Variants in MGAT4C observed in about 807,000 individuals in gnomAD.
MGAT4C encodes the protein MGAT4 family member C, also known as alpha-1,3-mannosyl-glycoprotein 4-beta-N-acetylglucosaminyltransferase C.
Under a neutral mutation model 40.1 loss-of-function variants are expected in MGAT4C, and 19 were observed. That is an observed-to-expected ratio of 0.47 (90% confidence interval 0.33 to 0.70). The LOEUF (loss-of-function observed/expected upper bound fraction) is 0.70, where lower values mean the gene tolerates loss of function less well. Ranked by LOEUF, MGAT4C falls within the 30% of genes least tolerant of loss-of-function variation. MGAT4C has a pLI of 0.02. For synonymous variants in MGAT4C, 181 were observed against 187.1 expected, an observed-to-expected ratio of 0.97 and a Z score of 0.27; for missense variants, 491 against 563.2, an observed-to-expected ratio of 0.87 and a Z score of 1.30.
At chr12:86,252,614 G>GA (rs745385032) in intron 1 of MGAT4C, among the ~76,000 whole-genome samples, 4 of 151,848 alleles carry the variant, frequency 2.6e-5, no homozygotes, top group Non-Finnish European at 4.4e-5. Context: ...CCAAGACAGT[G>GA]AAAAAATTGG....
chr12:86,513,085 A>G (rs1375646239), intron 2 of MGAT4C, among the ~76,000 whole-genome samples: 1 of 152,090 alleles, frequency 6.6e-6, no homozygotes, highest in African/African-American at 2.4e-5. Flanking sequence ...GAGCCAATTA[A>G]AGTTGCAATG....
intron 2 of MGAT4C, among the ~76,000 whole-genome samples, chr12:86,689,705 C>T (rs974700863): frequency 6.6e-6 from 1 of 152,166 alleles, no homozygotes. Context: ...CAGAGGGGCA[C>T]CCGCCAGATG....
intron 2 of MGAT4C, among the ~76,000 whole-genome samples, chr12:86,725,214 C>A (rs1056039258): frequency 6.6e-6 from 1 of 152,136 alleles, no homozygotes; most frequent in African/African-American, 2.4e-5. Flanking sequence ...CTAGAGTACA[C>A]CAGATTTTCC....
rs182628400 is a variant in MGAT4C, at chr12:86,089,529, A to C, written c.-56-39806T>G. On this transcript the variant is annotated intron_variant, in intron 1 of 4. Coordinates refer to ENST00000611864, the MANE Select transcript of MGAT4C (RefSeq NM_001351288.2). ...GTCAATGCTCAGGAAAACATCTTAAAATTTTCTATTATGTTTATTGATTTA... is the reference window on the plus strand; with the variant it reads ...GTCAATGCTCAGGAAAACATCTTAACATTTTCTATTATGTTTATTGATTTA... 2.0e-5 allele frequency among the ~76,000 whole-genome samples: 3 copies of C among 151,624 alleles called. No individual in the cohort carries two copies. The East Asian group carries it at 5.8e-4, about 29-fold the overall frequency.
At chr12:85,990,127 C>T (rs1885717869) in intron 2 of MGAT4C, among the ~76,000 whole-genome samples, 1 of 151,930 alleles carries the variant, frequency 6.6e-6, no homozygotes, top group Admixed American at 6.6e-5. Flanking sequence ...GCTTATTTTT[C>T]CAATTATTCT....
chr12:86,256,490 T>C (rs1952524230), upstream of MGAT4C: 1 of 152,284 alleles, frequency 6.6e-6, no homozygotes, highest in African/African-American at 2.4e-5. Flanking sequence ...TGGAATCATA[T>C]CTTAACCCTA....
chr12:86,186,001 T>C (rs1318709474), intron 1 of MGAT4C, among the ~76,000 whole-genome samples: 1 of 152,058 alleles, frequency 6.6e-6, no homozygotes, highest in Non-Finnish European at 1.5e-5. Context: ...CATATAAAAT[T>C]AGTAAGACAA....
intron 1 of MGAT4C, among the ~76,000 whole-genome samples, chr12:86,795,623 A>C (rs1952101460): frequency 6.6e-6 from 1 of 151,946 alleles, no homozygotes; most frequent in African/African-American, 2.4e-5. Context: ...AGAAAGAGAG[A>C]GAGAGAGAAA....
At chr12:86,390,836 A>T (rs1956148796) in intron 3 of MGAT4C, among the ~76,000 whole-genome samples, 1 of 152,332 alleles carries the variant, frequency 6.6e-6, no homozygotes. Context: ...TTCATATAAG[A>T]AACTGAGGCT....
intron 3 of MGAT4C, among the ~76,000 whole-genome samples, chr12:86,405,241 G>A (rs923179362): frequency 1.4e-4 from 22 of 151,900 alleles, no homozygotes; most frequent in Admixed American, 7.2e-4. Context: ...GTTTATCTAC[G>A]TAAAATAATC....
rs1882870860 is a variant in MGAT4C, at chr12:85,957,657, C to CAAAAAAAAAAAAAAAGAAAAAAAAA, written c.*21631_*21632insTTTTTTTTTCTTTTTTTTTTTTTTT. On this transcript the variant is annotated 3_prime_UTR_variant, in exon 5 of 5. Transcript: ENST00000611864. ...TTTACTGTAGAGTTGAATAAGAAAGCAAAAAAAAAAAAAAAAGAAAAAAGA... is the reference window on the plus strand; with the variant it reads ...TTTACTGTAGAGTTGAATAAGAAAGCAAAAAAAAAAAAAAAGAAAAAAAAAAAAAAAAAAAAAAAAAGAAAAAAGA... 1 of 101,306 alleles carries CAAAAAAAAAAAAAAAGAAAAAAAAA rather than the reference C, an allele frequency of 9.9e-6. No individual in the cohort carries two copies. The highest frequency in any genetic ancestry group is 1.9e-5 in the Non-Finnish European group (1 of 52,742). The allele number at this position is 101,306 out of a possible 1,614,324, so 6.3% of individuals were successfully genotyped here.
intron 1 of MGAT4C, among the ~76,000 whole-genome samples, chr12:86,765,775 A>G (rs1489036434): frequency 1.3e-5 from 2 of 152,250 alleles, no homozygotes; most frequent in Non-Finnish European, 2.9e-5. Flanking sequence ...TAAGCTTCAT[A>G]AGTGAAGGAG....
chr12:86,081,148 G>A (rs902298404), intron 1 of MGAT4C, among the ~76,000 whole-genome samples: 1 of 152,070 alleles, frequency 6.6e-6, no homozygotes, highest in Non-Finnish European at 1.5e-5. Context: ...CATGGTTATT[G>A]TGGATAATAA....
chr12:86,811,102 T>C (rs1463815853), intron 1 of MGAT4C, among the ~76,000 whole-genome samples: 2 of 149,372 alleles, frequency 1.3e-5, no homozygotes, highest in African/African-American at 4.9e-5. Flanking sequence ...TTTCCTGTGG[T>C]CATTCTATTA....
chr12:86,386,419 G>A (rs534194120), intron 3 of MGAT4C, among the ~76,000 whole-genome samples: 1 of 152,176 alleles, frequency 6.6e-6, no homozygotes, highest in South Asian at 2.1e-4. Flanking sequence ...CCCAATCACT[G>A]GTACCTCATA....
In MGAT4C at chr12:85,983,714, T is replaced by A; in HGVS notation, c.148-44A>T. 5 of 1,412,310 alleles carry A rather than the reference T, an allele frequency of 3.5e-6. No homozygotes were observed. In the South Asian group the frequency reaches 5.8e-5, roughly 16 times the overall value. The allele number at this position is 1,412,310 out of a possible 1,614,324, so 87.5% of individuals were successfully genotyped here. On this transcript the variant is annotated intron_variant, in intron 3 of 4. Transcript: ENST00000611864. ...GCAAGGAAAATATATAAATAATAGA[T>A]GGTCATGGATTAAATAAAGTTTCTT...
chr12:86,333,035 G>C (rs1954707254), intron 4 of MGAT4C, among the ~76,000 whole-genome samples: 1 of 152,124 alleles, frequency 6.6e-6, no homozygotes, highest in African/African-American at 2.4e-5. Context: ...CCCTGAATAT[G>C]ACCTGCTCCC....
intron 2 of MGAT4C, chr12:86,011,811 A>T: frequency 1.0e-6 from 1 of 984,036 alleles, no homozygotes; most frequent in Non-Finnish European, 1.2e-6. Context: ...ATCCTTTACC[A>T]GCTCCAAGTG....
chr12:86,619,022 C>A (rs1220751596), intron 2 of MGAT4C, among the ~76,000 whole-genome samples: 5 of 151,734 alleles, frequency 3.3e-5, no homozygotes, highest in Admixed American at 6.6e-5. Flanking sequence ...AAAAATAATG[C>A]ATCTAACAAC....
Sources: allele counts gnomAD v4.1 joint callset (sites outside exome capture counted in the v4.1 genomes callset), GRCh38; gene constraint gnomAD v4.1.1; transcripts MANE v1.5; gene names NCBI Gene and HGNC (gene_info 2026-07-23, HGNC 2026-07-21).